SIMC1: variants seen among roughly 807,000 people sequenced by gnomAD.
The protein encoded by SIMC1 is SUMO-interacting motif-containing protein 1.
Under a neutral mutation model 82.3 loss-of-function variants are expected in SIMC1, and 55 were observed. The ratio of observed to expected loss-of-function variants is 0.67; its 90% CI spans 0.54 to 0.84. SIMC1 has a LOEUF of 0.84. SIMC1 is among the 40% of genes least tolerant of loss of function. The pLI, the probability that SIMC1 is intolerant of heterozygous loss-of-function variation, is 0.00. For missense variants in SIMC1, 915 were observed against 1,107.2 expected (o/e 0.83, Z 2.46); for synonymous variants, 353 against 426.3 (o/e 0.83, Z 2.12).
intron 1 of SIMC1, among the ~76,000 whole-genome samples, chr5:176,258,152 T>C (rs571807120): frequency 6.6e-6 from 1 of 152,356 alleles, no homozygotes; most frequent in East Asian, 1.9e-4. Context: ...GGAGCTAGTG[T>C]TTCGATTTTG....
Position 176,321,885 on chromosome 5 carries a change from C to CTTTTTT in SIMC1, c.1890-372_1890-367dup, listed in dbSNP as rs11418187. 4.5e-3 allele frequency among the ~76,000 whole-genome samples: 409 copies of CTTTTTT among 90,722 alleles called. 3 individuals are homozygous for CTTTTTT. Among genetic ancestry groups the CTTTTTT allele is most frequent in the Non-Finnish European group, 5.0e-3 (253 of 50,560 alleles). 59.5% of individuals were successfully genotyped at this position (90,722 alleles called of 152,430 possible). ...AGAAAAATGTTGATATTTTAGTTAG[C>CTTTTTT]TTTTTTTTTTTTTTTTTTTTTGTAG... On this transcript the variant is annotated intron_variant, in intron 5 of 9. Transcript: ENST00000429602.
chr5:176,291,925 A>T (rs1348247114), intron 2 of SIMC1, among the ~76,000 whole-genome samples: 1 of 152,166 alleles, frequency 6.6e-6, no homozygotes, highest in Non-Finnish European at 1.5e-5. Context: ...ATGTGGTGGC[A>T]TGCACCTGTA....
At chr5:176,282,521 C>T (rs1763061745) in intron 1 of SIMC1, among the ~76,000 whole-genome samples, 2 of 152,228 alleles carry the variant, frequency 1.3e-5, no homozygotes, top group African/African-American at 2.4e-5. Context: ...CCGTCTTCTG[C>T]GTCGCTCACG....
chr5:176,292,014 C>T (rs1355330444), intron 2 of SIMC1, among the ~76,000 whole-genome samples: 6 of 152,118 alleles, frequency 3.9e-5, no homozygotes, highest in African/African-American at 9.7e-5. Context: ...TGAGACTGCA[C>T]CACTGCACTC....
intron 6 of SIMC1, among the ~76,000 whole-genome samples, chr5:176,323,709 G>A (rs746223984): frequency 1.4e-4 from 22 of 152,218 alleles, no homozygotes; most frequent in South Asian, 4.1e-4. Flanking sequence ...ATGTGTTGCC[G>A]GGCGTGGTGG....
At chr5:176,286,957 A>G (rs529018312) in intron 1 of SIMC1, among the ~76,000 whole-genome samples, 30 of 152,350 alleles carry the variant, frequency 2.0e-4, no homozygotes, top group African/African-American at 6.0e-4. Context: ...TAGAATGGCA[A>G]TCATTAAAAA....
At chr5:176,255,168 C>A (rs556356074) in intron 1 of SIMC1, among the ~76,000 whole-genome samples, 1 of 151,800 alleles carries the variant, frequency 6.6e-6, no homozygotes, top group Non-Finnish European at 1.5e-5. Flanking sequence ...CCCTGCTACT[C>A]CAGAGGCTGA....
chr5:176,271,181 G>A (rs1443910206), intron 1 of SIMC1, among the ~76,000 whole-genome samples: 4 of 152,060 alleles, frequency 2.6e-5, no homozygotes, highest in Admixed American at 1.3e-4. Context: ...CCAACATGGC[G>A]AAACCCCATC....
At chr5:176,276,882 A>T (rs1248005107) in intron 1 of SIMC1, among the ~76,000 whole-genome samples, 1 of 149,338 alleles carries the variant, frequency 6.7e-6, no homozygotes, top group Non-Finnish European at 1.5e-5. Flanking sequence ...AGTCTTTGCT[A>T]TTGTGAATAA....
intron 2 of SIMC1, among the ~76,000 whole-genome samples, 200 bp downstream of exon 2, chr5:176,291,155 TTTAC>T (rs1763544351): frequency 7.4e-6 from 1 of 134,584 alleles, no homozygotes; most frequent in Non-Finnish European, 1.6e-5. Context: ...AAACTGTCAC[TTTAC>T]TTTTTTTTTT....
chr5:176,290,135 C>T lies in SIMC1; in HGVS notation c.611C>T (p.Pro204Leu), dbSNP rs1445445404. 6.2e-7 allele frequency: 1 copy of T among 1,605,248 alleles called. No individual in the cohort carries two copies. Among genetic ancestry groups the T allele is most frequent in the African/African-American group, 1.3e-5 (1 of 74,768 alleles). ...AGCAGCAGCAGCAATCAAAAAGCAC[C>T]CTTGCCATGCCCACAGCAAGATGTA... The part of the protein sequence containing the change: ...SSSSSSNQKA[P>L]LPCPQQDVSR... The change falls in exon 2 of 10, where the codon CCC becomes CTC. Residue 204 changes from proline (P) to leucine (L), a missense_variant. By Grantham distance (98) the Pro-to-Leu change is moderately conservative. Around this residue, in one of 2 missense-constraint regions of SIMC1, gnomAD observed 902 missense variants for 1,040.3 expected, o/e 0.87. Transcript: ENST00000429602.
intron 2 of SIMC1, among the ~76,000 whole-genome samples, chr5:176,291,444 C>T (rs888107219): frequency 1.3e-5 from 2 of 150,942 alleles, no homozygotes; most frequent in African/African-American, 2.4e-5. Flanking sequence ...TCACGTCATT[C>T]GCTTGCCTCA....
At chr5:176,268,907 G>A (rs1762313843) in intron 1 of SIMC1, among the ~76,000 whole-genome samples, 1 of 152,200 alleles carries the variant, frequency 6.6e-6, no homozygotes, top group African/African-American at 2.4e-5. Flanking sequence ...CACCAGGGTA[G>A]GCTGTGTGTT....
intron 4 of SIMC1, among the ~76,000 whole-genome samples, chr5:176,306,937 TAAAG>T (rs1286074845): frequency 3.3e-5 from 5 of 150,716 alleles, no homozygotes; most frequent in Admixed American, 1.3e-4. Context: ...AAAAAAATAA[TAAAG>T]AACTCCAGCA....
intron 2 of SIMC1, chr5:176,294,804 T>C (rs62405163): frequency 0.073 from 33,354 of 457,144 alleles, 1,400 homozygotes; most frequent in African/African-American, 0.1. Flanking sequence ...TTACTAAAAA[T>C]ACAAAAGAAA....
At chr5:176,308,597 C>T in intron 4 of SIMC1, 1 of 1,583,550 alleles carries the variant, frequency 6.3e-7, no homozygotes, top group Non-Finnish European at 8.7e-7. Flanking sequence ...CCATACAGGC[C>T]CAAAAGAGTT....
intron 1 of SIMC1, among the ~76,000 whole-genome samples, chr5:176,268,784 G>C (rs1762307063): frequency 6.6e-6 from 1 of 152,138 alleles, no homozygotes; most frequent in Non-Finnish European, 1.5e-5. Flanking sequence ...CCAAAGTAAA[G>C]AAATCAAAGA....
At chr5:176,272,172 C>CAA (rs1162307977) in intron 1 of SIMC1, among the ~76,000 whole-genome samples, 2,440 of 19,916 alleles carry the variant, frequency 0.12, 506 homozygotes, top group African/African-American at 0.3. Flanking sequence ...CCCATCTCTA[C>CAA]AAAAAAAAAA....
chr5:176,322,317 T>A lies in SIMC1; in HGVS notation c.1934T>A (p.Leu645Ter). Residue 645 changes from leucine (L) to a stop codon, truncating the protein, a stop_gained, in exon 6 of 10, where the codon TTG becomes TAG. Coordinates refer to ENST00000429602, the MANE Select transcript of SIMC1 (RefSeq NM_001308195.2). LOFTEE classifies it high-confidence loss of function. ...WLVKAVTEDGLTQPPNGNQTS... is the reference protein window; with the variant it reads ...WLVKAVTEDG Reference sequence around the variant, plus strand: ...GTCAAAGCAGTAACTGAAGATGGATTGACTCAGCCCCCAAATGGAAATCAA... The same window carrying A: ...GTCAAAGCAGTAACTGAAGATGGATAGACTCAGCCCCCAAATGGAAATCAA... The A allele has an allele frequency of 6.3e-7, 1 of 1,581,700 alleles. No homozygotes were observed. The highest frequency in any genetic ancestry group is 8.6e-7 in the Non-Finnish European group (1 of 1,163,264).
Sources: allele counts gnomAD v4.1 joint callset (sites outside exome capture counted in the v4.1 genomes callset), GRCh38; gene constraint gnomAD v4.1.1; regional missense constraint gnomAD v4.1.1; transcripts MANE v1.5; gene names NCBI Gene and HGNC (gene_info 2026-07-23, HGNC 2026-07-21).